Variants in RPAP1 observed in about 807,000 individuals in gnomAD.
RPAP1 encodes the protein RNA polymerase II associated protein 1, also known as RNA polymerase II-associated protein 1.
A neutral mutation model predicts 142.4 loss-of-function variants in RPAP1; 109 were observed. The observed-to-expected ratio is 0.77, with a 90% CI of 0.66 to 0.90. The LOEUF (loss-of-function observed/expected upper bound fraction) is 0.90, where lower values mean the gene tolerates loss of function less well. RPAP1 is among the 40% of genes least tolerant of loss of function. RPAP1 has a pLI of 0.00. For synonymous variants in RPAP1, 704 were observed against 738.9 expected, an observed-to-expected ratio of 0.95 and a Z score of 0.77; for missense variants, 1,546 against 1,751.7, an observed-to-expected ratio of 0.88 and a Z score of 2.10.
chr15:41,543,295 C>T (rs1307012015), intron 1 of RPAP1, among the ~76,000 whole-genome samples: 5 of 151,142 alleles, frequency 3.3e-5, no homozygotes, highest in Middle Eastern at 3.4e-3. Context: ...CTGCAACCTC[C>T]GCCTCCTGGG....
intron 14 of RPAP1, among the ~76,000 whole-genome samples, chr15:41,526,060 C>T (rs1359782415): frequency 6.6e-6 from 1 of 152,174 alleles, no homozygotes; most frequent in Non-Finnish European, 1.5e-5. Context: ...AGCAATTCTC[C>T]TGCCTCAGCC....
rs2051745610 is a variant in RPAP1, at chr15:41,522,939, GT to G, written c.2567del (p.Asn856ThrfsTer132). 1 of 1,551,392 alleles carries G rather than the reference GT, an allele frequency of 6.4e-7. No homozygotes were observed. The highest frequency in any genetic ancestry group is 2.3e-5 in the Admixed American group (1 of 44,060). On this transcript the variant is annotated frameshift_variant, in exon 19 of 25. Coordinates refer to ENST00000304330, the MANE Select transcript of RPAP1 (RefSeq NM_015540.4). LOFTEE classifies it high-confidence loss of function. Reference sequence around the variant, plus strand: ...CAAGGGCTGGCACACAGGACAGCGGGTTGCAGAGAAGGGAGCAGTGCCTGTA... The same window carrying G: ...CAAGGGCTGGCACACAGGACAGCGGGTGCAGAGAAGGGAGCAGTGCCTGTA... ...DSLRHCSLLC[N>X]PLSCVPALEA...
chr15:41,531,077 A>G lies in RPAP1; in HGVS notation c.889T>C (p.Ser297Pro). ...TTCCTGGGCTCACTGGCAAAAGCTG[A>G]CATGAGGGGTTCCTCCTTGGTGACA... ...ANVTKEEPLM[S>P]AFASEPRKRD... Residue 297 changes from serine to proline, a missense_variant, in exon 7 of 25, where the codon TCA becomes CCA. This residue lies in a region of RPAP1 where 1,333 missense variants were observed against 1,486.6 expected (regional missense o/e 0.90). Coordinates refer to ENST00000304330, the MANE Select transcript of RPAP1 (RefSeq NM_015540.4). 6.2e-7 allele frequency: 1 copy of G among 1,613,946 alleles called. No homozygotes were observed. Among genetic ancestry groups the G allele is most frequent in the South Asian group, 1.1e-5 (1 of 91,068 alleles).
rs116632961 is a variant in RPAP1, at chr15:41,518,201, C to A, written c.3796-19G>T. ...CAGGCAACTGTGACAGGGGAAATGACGTGCTGAGGGGGAGGGTAGGAATGT... is the reference window on the plus strand; with the variant it reads ...CAGGCAACTGTGACAGGGGAAATGAAGTGCTGAGGGGGAGGGTAGGAATGT... On this transcript the variant is annotated intron_variant, in intron 22 of 24. Coordinates refer to ENST00000304330, the MANE Select transcript of RPAP1 (RefSeq NM_015540.4). The A allele has an allele frequency of 1.9e-5, 30 of 1,548,862 alleles. No homozygotes were observed. Among genetic ancestry groups the A allele is most frequent in the Non-Finnish European group, 2.5e-5 (29 of 1,152,510 alleles).
At chr15:41,539,533 T>C (rs2051949815) in intron 1 of RPAP1, among the ~76,000 whole-genome samples, 1 of 150,992 alleles carries the variant, frequency 6.6e-6, no homozygotes, top group African/African-American at 2.4e-5. Flanking sequence ...CCTGACCTCA[T>C]GATCCACCTG....
Position 41,520,674 on chromosome 15 carries a change from C to A in RPAP1, c.3512G>T (p.Arg1171Leu). ...CVFLVDSELF[R>L]ESPVQHLVAA... ...CACCAGATGCTGTACTGGGGACTCC[C>A]GGAACAGCTCACTGTCCACCAGGAA... is the stretch of plus-strand genomic sequence containing the variant. Residue 1171 changes from arginine (R) to leucine (L), a missense_variant, in exon 22 of 25, where the codon CGG becomes CTG. This residue lies in a region of RPAP1 where 1,333 missense variants were observed against 1,486.6 expected (regional missense o/e 0.90). Transcript: ENST00000304330. The A allele has an allele frequency of 6.2e-7, 1 of 1,614,148 alleles. No individual in the cohort carries two copies. Among genetic ancestry groups the A allele is most frequent in the South Asian group, 1.1e-5 (1 of 91,086 alleles).
chr15:41,531,045 G>A lies in RPAP1; in HGVS notation c.921C>T (p.Asp307=), dbSNP rs1256391339. The A allele has an allele frequency of 1.2e-6, 2 of 1,612,470 alleles. No homozygotes were observed. Among genetic ancestry groups the A allele is most frequent in the East Asian group, 2.2e-5 (1 of 44,834 alleles). ...AACCTGGGGCTTCTGGCTCCAGCTT[G>A]TCTCTCTTCCTGGGCTCACTGGCAA... ...SAFASEPRKR[D]KLEPEAPALA... is the part of the protein sequence containing the mutation. The change falls in exon 7 of 25, where the codon GAC becomes GAT. Residue 307 remains aspartate, a synonymous_variant. Transcript: ENST00000304330.
At chr15:41,528,841 C>T (rs2051820756) in intron 9 of RPAP1, among the ~76,000 whole-genome samples, 1 of 152,162 alleles carries the variant, frequency 6.6e-6, no homozygotes. Context: ...TGGGAAACTT[C>T]TGGAGGCAAG....
In RPAP1 at chr15:41,526,994, T is replaced by C; in HGVS notation, c.1821A>G (p.Ala607=). The C allele has an allele frequency of 1.2e-6, 2 of 1,614,228 alleles. No homozygotes were observed. Among genetic ancestry groups the C allele is most frequent in the Non-Finnish European group, 1.7e-6 (2 of 1,180,040 alleles). Reference sequence around the variant, plus strand: ...CTTTGTATAGACTAGGGGTAGGCCCTGCCCCCACAGGAGACCAACTGGTGG... The same window carrying C: ...CTTTGTATAGACTAGGGGTAGGCCCCGCCCCCACAGGAGACCAACTGGTGG... The part of the protein sequence containing the change: ...FLPTSWSPVG[A]GPTPSLYKVP... Residue 607 remains alanine (A), a synonymous_variant, in exon 14 of 25, where the codon GCA becomes GCG. Coordinates refer to ENST00000304330, the MANE Select transcript of RPAP1 (RefSeq NM_015540.4).
rs768519207 is a variant in RPAP1, at chr15:41,523,941, G to A, written c.2266C>T (p.Pro756Ser). 7 of 1,611,100 alleles carry A rather than the reference G, an allele frequency of 4.3e-6. No individual in the cohort carries two copies. The East Asian group carries it at 1.6e-4, about 36-fold the overall frequency. The change falls in exon 17 of 25, where the codon CCT (proline) becomes TCT (serine). Residue 756 changes from proline (P) to serine (S), a missense_variant. Around this residue, in one of 3 missense-constraint regions of RPAP1, gnomAD observed 1,333 missense variants for 1,486.6 expected, o/e 0.90. Coordinates refer to ENST00000304330, the MANE Select transcript of RPAP1 (RefSeq NM_015540.4). ...ACCTGTGTCCAAGTGACTAAGGAAG[G>A]GGTGGCCGAGAGGCTGGCCTCAGCA... ...DSAEASLSAT[P>S]SLVTWTQVSG...
In RPAP1 at chr15:41,520,932, G is replaced by T; in HGVS notation, c.3254C>A (p.Pro1085Gln). 6.2e-7 allele frequency: 1 copy of T among 1,613,000 alleles called. No individual in the cohort carries two copies. Among genetic ancestry groups the T allele is most frequent in the Admixed American group, 1.7e-5 (1 of 59,986 alleles). ...CGTAGGCATGGGCAGTAGCAGGGTT[G>T]GGACTCGCTGTAGCTCCCCTCGGTG... The part of the protein sequence containing the change: ...ALHRGELQRV[P>Q]TLLLPMPTEP... Residue 1085 changes from proline to glutamine, a missense_variant, in exon 22 of 25, where the codon CCA becomes CAA. Pro to Gln is a moderately conservative substitution (Grantham distance 76). This residue lies in a region of RPAP1 where 1,333 missense variants were observed against 1,486.6 expected (regional missense o/e 0.90). Transcript: ENST00000304330.
rs2051678041 is a variant in RPAP1, at chr15:41,517,594, T to C, written c.4130A>G (p.Tyr1377Cys). ...CACTGTTGAAGTCAGTCTCTGGAGG[T>C]AGTGCTGACGCAGAGGGGGCAACTG... ...YSQLPPLRQH[Y>C]LQRLTSTVLQ... Residue 1377 changes from tyrosine to cysteine, a missense_variant, in exon 25 of 25, where the codon TAC (tyrosine) becomes TGC (cysteine). Tyr to Cys is a radical substitution (Grantham distance 194). Around this residue, in one of 3 missense-constraint regions of RPAP1, gnomAD observed 210 missense variants for 248.0 expected, o/e 0.85. Transcript: ENST00000304330. 1 of 1,606,930 alleles carries C rather than the reference T, an allele frequency of 6.2e-7. No homozygotes were observed. Among genetic ancestry groups the C allele is most frequent in the Non-Finnish European group, 8.5e-7 (1 of 1,176,506 alleles).
chr15:41,541,024 A>G (rs2051967308), intron 1 of RPAP1, among the ~76,000 whole-genome samples: 1 of 152,108 alleles, frequency 6.6e-6, no homozygotes, highest in Non-Finnish European at 1.5e-5. Flanking sequence ...ACATTGCCAA[A>G]TGTCACCTCA....
At chr15:41,531,623 ATATATTTTTTTTTTT>A (rs1333612651) in intron 6 of RPAP1, among the ~76,000 whole-genome samples, 33 of 35,380 alleles carry the variant, frequency 9.3e-4, no homozygotes, top group Non-Finnish European at 1.4e-3. Flanking sequence ...ATATATATAT[ATATATTTTTTTTTTT>A]TTTTTTTTTT....
In RPAP1 at chr15:41,527,948, A is replaced by G. The variant is rs867685562; in HGVS notation, c.1340T>C (p.Leu447Pro). ...CACTCTGTCATCCAAGGAGAAGCGC[A>G]GTAGGAAGAGGAAACCAGCATCCAA... ...LLLDAGFLFL[L>P]RFSLDDRVDG... Residue 447 changes from leucine (L) to proline (P), a missense_variant, in exon 11 of 25, where the codon CTG becomes CCG. This residue lies in a region of RPAP1 where 1,333 missense variants were observed against 1,486.6 expected (regional missense o/e 0.90). Transcript: ENST00000304330. 6.2e-7 allele frequency: 1 copy of G among 1,614,116 alleles called. No individual in the cohort carries two copies. The highest frequency in any genetic ancestry group is 1.6e-4 in the Middle Eastern group (1 of 6,062).
intron 7 of RPAP1, 91 bp downstream of exon 7, chr15:41,530,932 G>A (rs1048185553): frequency 7.8e-7 from 1 of 1,276,784 alleles, no homozygotes; most frequent in African/African-American, 1.5e-5. Flanking sequence ...AAGCACAGAA[G>A]CTTCTCTCTT....
intron 1 of RPAP1, among the ~76,000 whole-genome samples, chr15:41,541,775 A>G (rs1247877491): frequency 4.6e-5 from 7 of 152,164 alleles, no homozygotes; most frequent in East Asian, 1.9e-4. Context: ...TGAACCCGGG[A>G]AGTGGAGGTT....
chr15:41,527,347 T>A, intron 12 of RPAP1, 46 bp from the exon 13 acceptor site: 1 of 1,613,138 alleles, frequency 6.2e-7, no homozygotes, highest in East Asian at 2.2e-5. Flanking sequence ...AGCTGGACCC[T>A]GGGCATTGAT....
At chr15:41,522,306 C>A in intron 19 of RPAP1, 56 bp from the exon 20 acceptor site, 3 of 1,542,372 alleles carry the variant, frequency 1.9e-6, no homozygotes, top group South Asian at 1.2e-5. Context: ...CCTTCTAGGG[C>A]TCCCCAGGTG....
Sources: allele counts gnomAD v4.1 joint callset (sites outside exome capture counted in the v4.1 genomes callset), GRCh38; gene constraint gnomAD v4.1.1; regional missense constraint gnomAD v4.1.1; transcripts MANE v1.5; gene names NCBI Gene and HGNC (gene_info 2026-07-23, HGNC 2026-07-21).